CHD7: variants seen among roughly 807,000 people sequenced by gnomAD.
CHD7 encodes the protein chromodomain helicase DNA binding protein 7, also known as ATP-dependent chromatin remodeler CHD7.
CHD7 carries 24 observed loss-of-function variants against 307.3 expected under a neutral mutation model. That is an observed-to-expected ratio of 0.08 (90% CI 0.06 to 0.11). The LOEUF (loss-of-function observed/expected upper bound fraction) is 0.11, where lower values mean the gene tolerates loss of function less well. CHD7 is among the 10% of genes least tolerant of loss of function. The probability of loss-of-function intolerance (pLI) is 1.00; values close to 1 mark genes in which losing one functional copy is unlikely to be tolerated. For missense variants in CHD7, 3,106 were observed against 3,727.1 expected (o/e 0.83, Z 4.34); for synonymous variants, 1,363 against 1,349.9 (o/e 1.01, Z -0.21).
At chr8:60,831,089 C>G (rs1804496583) in intron 15 of CHD7, among the ~76,000 whole-genome samples, 1 of 152,136 alleles carries the variant, frequency 6.6e-6, no homozygotes, top group Non-Finnish European at 1.5e-5. Flanking sequence ...ATTTATGGCC[C>G]TCCTCTTTTC....
At chr8:60,824,069 T>C (rs764919869) in intron 13 of CHD7, 53 bp downstream of exon 13, 6 of 1,498,496 alleles carry the variant, frequency 4.0e-6, no homozygotes. Context: ...TGTTGCTGAC[T>C]TGATAGTCCC....
chr8:60,836,051 T>C (rs1425491305), intron 15 of CHD7, 22 bp from the exon 16 acceptor site: 1 of 1,567,776 alleles, frequency 6.4e-7, no homozygotes. Context: ...AGTATTCACG[T>C]TATGCTGTCC....
In CHD7 at chr8:60,848,750, G is replaced by A. The variant is rs1805321581; in HGVS notation, c.5300+146G>A. 4.2e-6 allele frequency: 3 copies of A among 713,752 alleles called. No homozygotes were observed. In the African/African-American group the frequency reaches 5.3e-5, roughly 13 times the overall value. 44.2% of individuals were successfully genotyped at this position (713,752 alleles called of 1,614,324 possible). ...CTTGAATGCAGTATTTGTCCTTCGT[G>A]CTTGGGGATGTGATGAGAATCAGGA... On this transcript the variant is annotated intron_variant, in intron 24 of 37. Transcript: ENST00000423902.
At chr8:60,795,251 G>A in intron 4 of CHD7, 124 bp downstream of exon 4, 1 of 911,536 alleles carries the variant, frequency 1.1e-6, no homozygotes, top group Non-Finnish European at 1.6e-6. Context: ...CTTTATTGTA[G>A]TCTGGAACAT....
intron 2 of CHD7, among the ~76,000 whole-genome samples, chr8:60,749,027 T>TA (rs1809486603): frequency 6.6e-6 from 1 of 151,304 alleles, no homozygotes; most frequent in South Asian, 2.1e-4. Context: ...TATTGGTAAA[T>TA]CTCAAGTAGC....
intron 2 of CHD7, among the ~76,000 whole-genome samples, chr8:60,765,628 T>A (rs772022029): frequency 5.9e-5 from 9 of 152,168 alleles, no homozygotes; most frequent in Non-Finnish European, 1.3e-4. Context: ...AAGAGCAAAG[T>A]GCCTTTGTGC....
chr8:60,716,213 A>G (rs1255755267), intron 1 of CHD7, among the ~76,000 whole-genome samples: 1 of 152,070 alleles, frequency 6.6e-6, no homozygotes, highest in South Asian at 2.1e-4. Flanking sequence ...TAGCTCCCCT[A>G]CTGCTCTCCC....
chr8:60,798,224 G>A (rs1812120818), intron 4 of CHD7, among the ~76,000 whole-genome samples: 1 of 152,214 alleles, frequency 6.6e-6, no homozygotes, highest in African/African-American at 2.4e-5. Context: ...TCCTCCACCT[G>A]GGATTGATCT....
At chr8:60,832,801 A>T (rs1417388541) in intron 15 of CHD7, among the ~76,000 whole-genome samples, 8 of 152,142 alleles carry the variant, frequency 5.3e-5, no homozygotes, top group Non-Finnish European at 1.2e-4. Flanking sequence ...TCTTCCTTTG[A>T]TGATTGCTTT....
intron 1 of CHD7, among the ~76,000 whole-genome samples, chr8:60,709,934 T>C (rs999222521): frequency 9.9e-5 from 15 of 152,214 alleles, no homozygotes; most frequent in African/African-American, 3.6e-4. Flanking sequence ...TTGTTAGTAA[T>C]GGAGTATTTA....
rs1563631484 is a variant in CHD7, at chr8:60,822,705, C to T, written c.3160C>T (p.Arg1054Trp). 15 of 1,613,196 alleles carry T rather than the reference C, an allele frequency of 9.3e-6. No homozygotes were observed. The highest frequency in any genetic ancestry group is 1.6e-4 in the Middle Eastern group (1 of 6,084). The change falls in exon 12 of 38, where the codon CGG (arginine) becomes TGG (tryptophan). Residue 1054 changes from arginine (R) to tryptophan (W), a missense_variant. Transcript: ENST00000423902. ...GTATCATGGGAGTCAAGCTAGTCGT[C>T]GGACCATTCAGTTGTATGAAATGTA... ...VVYHGSQASR[R>W]TIQLYEMYFK... is the part of the protein sequence containing the mutation.
rs1360960470 is a variant in CHD7, at chr8:60,800,119, C to G, written c.2239-269C>G. Among the ~76,000 whole-genome samples the G allele has an allele frequency of 5.9e-5, 9 of 152,180 alleles. 1 individual carries two copies. The South Asian group carries it at 1.7e-3, about 28-fold the overall frequency. The stretch of plus-strand genomic sequence containing the variant: ...AATCTCGGCTCACTGCAAGCTCCAC[C>G]TCGTGGGTTCGCGCCATTCTCCTGC... On this transcript the variant is annotated intron_variant, in intron 4 of 37. Coordinates refer to ENST00000423902, the MANE Select transcript of CHD7 (RefSeq NM_017780.4).
At chr8:60,755,600 C>T (rs1370166973) in intron 2 of CHD7, among the ~76,000 whole-genome samples, 1 of 151,782 alleles carries the variant, frequency 6.6e-6, no homozygotes, top group Non-Finnish European at 1.5e-5. Context: ...AAACAGAAAA[C>T]CTATTTATCT....
At chr8:60,685,738 A>C (rs1805851577) in intron 1 of CHD7, among the ~76,000 whole-genome samples, 1 of 152,218 alleles carries the variant, frequency 6.6e-6, no homozygotes. Context: ...TACTTTGTTC[A>C]GTTATTATGA....
At chr8:60,746,654 A>T (rs956366337) in intron 2 of CHD7, among the ~76,000 whole-genome samples, 1 of 152,170 alleles carries the variant, frequency 6.6e-6, no homozygotes, top group Non-Finnish European at 1.5e-5. Context: ...TATGTTCTTT[A>T]TGTGTTTCCT....
chr8:60,708,043 C>T (rs1267084919), intron 1 of CHD7, among the ~76,000 whole-genome samples: 1 of 152,108 alleles, frequency 6.6e-6, no homozygotes, highest in African/African-American at 2.4e-5. Context: ...TCTACTATAA[C>T]CAGAGAGAGC....
chr8:60,747,455 A>G (rs140585142), intron 2 of CHD7, among the ~76,000 whole-genome samples: 187 of 152,348 alleles, frequency 1.2e-3, no homozygotes, highest in African/African-American at 4.2e-3. Flanking sequence ...AACATACATA[A>G]TACTTTTTAA....
At chr8:60,745,910 G>C (rs533795138) in intron 2 of CHD7, among the ~76,000 whole-genome samples, 10 of 152,304 alleles carry the variant, frequency 6.6e-5, no homozygotes, top group African/African-American at 2.4e-4. Context: ...CGAGTGCCTA[G>C]TATAATGTCC....
chr8:60,817,950 A>G (rs757251955), intron 8 of CHD7, among the ~76,000 whole-genome samples: 2 of 151,994 alleles, frequency 1.3e-5, no homozygotes, highest in Non-Finnish European at 2.9e-5. Flanking sequence ...GTTTATTTGT[A>G]TTCTCTCTCC....
Sources: allele counts gnomAD v4.1 joint callset (sites outside exome capture counted in the v4.1 genomes callset), GRCh38; gene constraint gnomAD v4.1.1; transcripts MANE v1.5; gene names NCBI Gene and HGNC (gene_info 2026-07-23, HGNC 2026-07-21).